Variants in POLE observed in about 807,000 individuals in gnomAD.
POLE encodes DNA polymerase epsilon catalytic subunit A.
In POLE, 188 loss-of-function variants were observed where a neutral mutation model predicts 279.2. The observed-to-expected ratio is 0.67, with a 90% CI of 0.60 to 0.76. The LOEUF (loss-of-function observed/expected upper bound fraction) is 0.76, where lower values mean the gene tolerates loss of function less well. POLE is among the 30% of genes least tolerant of loss of function. The pLI is 0.00. For synonymous variants in POLE, 1,214 were observed against 1,172.5 expected (o/e 1.04, Z -0.72); for missense variants, 2,703 against 3,016.7 (o/e 0.90, Z 2.44).
At chr12:132,673,446 G>A (rs1027834676) in intron 13 of POLE, 129 bp downstream of exon 13, 49 of 1,360,046 alleles carry the variant, frequency 3.6e-5, no homozygotes, top group East Asian at 6.9e-5. Context: ...TGGGTGGAGC[G>A]GGCTGGCATA....
At chr12:132,629,239 G>T (rs924952684) in intron 45 of POLE, among the ~76,000 whole-genome samples, 1 of 152,178 alleles carries the variant, frequency 6.6e-6, no homozygotes, top group Non-Finnish European at 1.5e-5. Flanking sequence ...TGAGCTGCAG[G>T]TAGTGGCCTT....
intron 47 of POLE, chr12:132,625,346 C>A: frequency 2.7e-6 from 2 of 729,926 alleles, no homozygotes; most frequent in Non-Finnish European, 5.1e-6. Flanking sequence ...GCAAGACCTT[C>A]CTGTGGCCGA....
rs79980404 is a variant in POLE at position 132,640,397 on chromosome 12, C to T, written c.5379-1099G>A. ...ACTAGGGGGAACACAAGGCTGGGCC[C>T]CTACACCGAAGCAATGGTCAGGCAG... On this transcript the variant is annotated intron_variant, in intron 39 of 48. Coordinates refer to ENST00000320574, the MANE Select transcript of POLE (RefSeq NM_006231.4). 8.9e-3 allele frequency among the ~76,000 whole-genome samples: 1,359 copies of T among 152,356 alleles called. 14 individuals are homozygous for T. Among genetic ancestry groups the T allele is most frequent in the African/African-American group, 0.031 (1,299 of 41,578 alleles).
rs202120601 is a variant in POLE at position 132,635,866 on chromosome 12, C to T, written c.5811+26G>A. On this transcript the variant is annotated intron_variant, in intron 42 of 48. Transcript: ENST00000320574. ...ATGAACGCGACCCCCAAAGCTGGCT[C>T]GGGTGCCACACTGCAGCTCGCTTAC... 617 of 1,591,324 alleles carry T rather than the reference C, an allele frequency of 3.9e-4. 7 individuals are homozygous for T. Among genetic ancestry groups the T allele is most frequent in the South Asian group, 3.2e-3 (286 of 88,822 alleles).
chr12:132,624,749 A>C lies in POLE; in HGVS notation c.6809T>G (p.Leu2270Arg). 1 of 1,613,852 alleles carries C rather than the reference A, an allele frequency of 6.2e-7. No individual in the cohort carries two copies. The highest frequency in any genetic ancestry group is 8.5e-7 in the Non-Finnish European group (1 of 1,179,766). Residue 2270 changes from leucine to arginine, a missense_variant, in exon 49 of 49, where the codon CTC becomes CGC. Coordinates refer to ENST00000320574, the MANE Select transcript of POLE (RefSeq NM_006231.4). ...NIAQHYGMSYLLETLEWLLQK... is the reference protein window; with the variant it reads ...NIAQHYGMSYRLETLEWLLQK... ...CAGCAGCCACTCCAGGGTCTCCAGGAGGTACGACATGCCGTAGTGCTGGGC... is the reference window on the plus strand; with the variant it reads ...CAGCAGCCACTCCAGGGTCTCCAGGCGGTACGACATGCCGTAGTGCTGGGC...
In POLE at chr12:132,677,178, A is replaced by C. The variant is rs185957330; in HGVS notation, c.801+185T>G. Among the ~76,000 whole-genome samples, 68 of 152,326 alleles carry C rather than the reference A, an allele frequency of 4.5e-4. 1 individual carries two copies. Among genetic ancestry groups the C allele is most frequent in the Admixed American group, 4.0e-3 (61 of 15,300 alleles). ...ACACTGATGTCATACAGTGATATACAACAAAAAAGGAAATGATACTGTCAG... is the reference window on the plus strand; with the variant it reads ...ACACTGATGTCATACAGTGATATACCACAAAAAAGGAAATGATACTGTCAG... On this transcript the variant is annotated intron_variant, in intron 8 of 48. Transcript: ENST00000320574.
chr12:132,666,813 C>T (rs1046467902), intron 20 of POLE, among the ~76,000 whole-genome samples: 7 of 152,024 alleles, frequency 4.6e-5, no homozygotes, highest in Non-Finnish European at 8.8e-5. Flanking sequence ...CACAACAGTG[C>T]GAATATGCTT....
Position 132,661,265 on chromosome 12 carries a change from T to C in POLE, c.2865-101A>G. Reference sequence around the variant, plus strand: ...TGCCCGCCTCTTCCCTTTCCAACCCTCCACCTGTCATCCACGAGGCAGCAA... The same window carrying C: ...TGCCCGCCTCTTCCCTTTCCAACCCCCCACCTGTCATCCACGAGGCAGCAA... On this transcript the variant is annotated intron_variant, in intron 24 of 48. Coordinates refer to ENST00000320574, the MANE Select transcript of POLE (RefSeq NM_006231.4). This position sits in a 1 kb window ranked among gnomAD's most constrained non-coding sequence, Gnocchi z 4.1. 4.3e-6 allele frequency: 5 copies of C among 1,156,008 alleles called. No homozygotes were observed. Among genetic ancestry groups the C allele is most frequent in the Admixed American group, 2.3e-5 (1 of 43,402 alleles). 71.6% of individuals were successfully genotyped at this position (1,156,008 alleles called of 1,614,324 possible). A position where few individuals can be genotyped will look rare whatever the true frequency, so the allele number is the denominator to read the frequency against.
chr12:132,637,386 A>T (rs1393530524), intron 41 of POLE, among the ~76,000 whole-genome samples: 1 of 152,176 alleles, frequency 6.6e-6, no homozygotes, highest in Non-Finnish European at 1.5e-5. Flanking sequence ...GGCTGCATTC[A>T]TCCCCAGGGT....
Position 132,677,407 on chromosome 12 carries a change from A to G in POLE, c.757T>C (p.Phe253Leu), listed in dbSNP as rs2043078684. ...TCTCGGCGGGTGATTTCTACCGGAA[A>G]AGCATTTCCTCGGTATCTGACATTG... ...WYNVRYRGNA[F>L]PVEITRRDDL... Residue 253 changes from phenylalanine to leucine, a missense_variant, in exon 8 of 49, where the codon TTT becomes CTT. Physicochemically the swap from Phe to Leu is conservative, Grantham distance 22. Around this residue, in one of 5 missense-constraint regions of POLE, gnomAD observed 1,011 missense variants for 1,111.7 expected, o/e 0.91. Transcript: ENST00000320574. 1.9e-6 allele frequency: 3 copies of G among 1,614,166 alleles called. No homozygotes were observed. The highest frequency in any genetic ancestry group is 8.5e-7 in the Non-Finnish European group (1 of 1,180,010).
Position 132,642,748 on chromosome 12 carries a change from G to A in POLE, c.4729-19C>T, listed in dbSNP as rs939422863. On this transcript the variant is annotated intron_variant, in intron 36 of 48. Transcript: ENST00000320574. ...GCTCCTCCTGGGTCAAGGCAAAATG[G>A]AAGAAAAGACCTGGGTGGACCCAGC... 1.9e-6 allele frequency: 3 copies of A among 1,613,462 alleles called. No individual in the cohort carries two copies. The highest frequency in any genetic ancestry group is 2.5e-6 in the Non-Finnish European group (3 of 1,179,758).
intron 29 of POLE, among the ~76,000 whole-genome samples, chr12:132,656,392 G>C (rs927687359): frequency 1.3e-5 from 2 of 150,548 alleles, no homozygotes; most frequent in African/African-American, 4.9e-5. Context: ...ACGGAGTCTC[G>C]CTCTGTCGCC....
At chr12:132,660,747 C>A in intron 25 of POLE, 1 of 385,506 alleles carries the variant, frequency 2.6e-6, no homozygotes, top group Non-Finnish European at 4.6e-6. Flanking sequence ...AGGCTTATCA[C>A]GCTATTTAGA....
At chr12:132,627,311 T>A (rs1217810403) in intron 45 of POLE, among the ~76,000 whole-genome samples, 1 of 152,142 alleles carries the variant, frequency 6.6e-6, no homozygotes, top group Non-Finnish European at 1.5e-5. Flanking sequence ...TGATTTTTTT[T>A]ATTTTGGGAC....
intron 45 of POLE, among the ~76,000 whole-genome samples, chr12:132,626,719 G>A (rs907400143): frequency 6.6e-6 from 1 of 151,768 alleles, no homozygotes; most frequent in Non-Finnish European, 1.5e-5. Context: ...ATGCAAGATC[G>A]AAAAAAAGAA....
rs544706725 is a variant in POLE, at chr12:132,678,407, G to GTAATAA, written c.579-694_579-689dup. On this transcript the variant is annotated intron_variant, in intron 6 of 48. Transcript: ENST00000320574. ...CATAGGGAGACTCATCTCTACAAAA[G>GTAATAA]TAATAATAATAATAATAATAATTAG... Among the ~76,000 whole-genome samples, 797 of 150,682 alleles carry GTAATAA rather than the reference G, an allele frequency of 5.3e-3. 8 individuals carry two copies. Among genetic ancestry groups the GTAATAA allele is most frequent in the African/African-American group, 0.018 (748 of 41,076 alleles).
intron 39 of POLE, 165 bp downstream of exon 39, chr12:132,641,482 G>C (rs1344362635): frequency 7.8e-6 from 5 of 639,710 alleles, no homozygotes; most frequent in East Asian, 5.5e-5. Flanking sequence ...CCCCACAGTG[G>C]TAAAGACAAT....
intron 38 of POLE, 42 bp downstream of exon 38, chr12:132,642,135 C>G: frequency 3.5e-6 from 5 of 1,446,068 alleles, no homozygotes; most frequent in Non-Finnish European, 4.7e-6. Flanking sequence ...ATGGCAGAAA[C>G]ACCAGCCAGG....
rs760691525 is a variant in POLE, at chr12:132,673,747, C to T, written c.1227-40G>A. On this transcript the variant is annotated intron_variant, in intron 12 of 48. Transcript: ENST00000320574. The stretch of plus-strand genomic sequence containing the variant: ...AGAACAGAAGCCAGGATGATTCTAA[C>T]ATGCAGCCCGGGAACCCCTGAGAAC... 8 of 1,609,088 alleles carry T rather than the reference C, an allele frequency of 5.0e-6. No individual in the cohort carries two copies. In the South Asian group the frequency reaches 8.8e-5, roughly 18 times the overall value.
Sources: gnomAD v4.1 joint callset for allele counts (sites outside exome capture counted in the v4.1 genomes callset) on GRCh38, gnomAD v4.1.1 for gene constraint, gnomAD v4.1.1 regional missense constraint, Gnocchi (gnomAD v3.1) non-coding constraint, MANE v1.5 for transcripts, NCBI Gene and HGNC (gene_info 2026-07-23, HGNC 2026-07-21) for gene names.